MASP1: variants seen among roughly 807,000 people sequenced by gnomAD.
MASP1 encodes mannan-binding lectin serine protease 1.
In MASP1, 59 loss-of-function variants were observed where a neutral mutation model predicts 77.1. The observed-to-expected ratio is 0.77, with a 90% CI of 0.62 to 0.95. MASP1 has a LOEUF of 0.95. Ranked by LOEUF, MASP1 falls within the 40% of genes least tolerant of loss-of-function variation. The pLI, the probability that MASP1 is intolerant of heterozygous loss-of-function variation, is 0.00. For missense variants in MASP1, 885 were observed against 912.9 expected (o/e 0.97, Z 0.39); for synonymous variants, 362 against 354.5 (o/e 1.02, Z -0.24).
At chr3:187,226,578 T>A (rs569444675) in intron 11 of MASP1, 1 of 1,222,154 alleles carries the variant, frequency 8.2e-7, no homozygotes, top group African/African-American at 1.5e-5. Context: ...CCTCCCTCTG[T>A]CTTGAGCTGA....
rs1021779950 is a variant in MASP1 at position 187,220,324 on chromosome 3, C to T, written c.1910-63G>A. On this transcript the variant is annotated intron_variant, in intron 15 of 15. Coordinates refer to the MASP1 transcript ENST00000337774. ...CCTTCCCAGCCCAAGTCTCCTTCTCCCATGTATGGGTTGTAGTTCAGAGAA... is the reference window on the plus strand; with the variant it reads ...CCTTCCCAGCCCAAGTCTCCTTCTCTCATGTATGGGTTGTAGTTCAGAGAA... 33 of 1,469,820 alleles carry T rather than the reference C, an allele frequency of 2.2e-5. No individual in the cohort carries two copies. In the African/African-American group the frequency reaches 3.7e-4, roughly 17 times the overall value. 91.0% of individuals were successfully genotyped at this position (1,469,820 alleles called of 1,614,324 possible).
At chr3:187,218,020 G>C (rs1051984008) in exon 16 of MASP1, 13 of 152,174 alleles carry the variant, frequency 8.5e-5, no homozygotes, top group Non-Finnish European at 1.9e-4. Context: ...ATCTTGAGTG[G>C]ACATTTACTA....
chr3:187,265,562 C>T (rs1056526132), intron 2 of MASP1, among the ~76,000 whole-genome samples: 1 of 152,138 alleles, frequency 6.6e-6, no homozygotes, highest in South Asian at 2.1e-4. Flanking sequence ...TAGCCTGGGG[C>T]CCTGGGAATT....
intron 8 of MASP1, chr3:187,244,870 A>C (rs1426701160): frequency 6.6e-6 from 1 of 152,234 alleles, no homozygotes; most frequent in Non-Finnish European, 1.5e-5. Context: ...ACAGTGAGAT[A>C]TAATTTATCC....
intron 2 of MASP1, among the ~76,000 whole-genome samples, chr3:187,275,809 C>A (rs901487823): frequency 6.7e-6 from 1 of 149,522 alleles, no homozygotes; most frequent in Non-Finnish European, 1.5e-5. Flanking sequence ...GTTGTTAGCA[C>A]CCATGCCCCT....
At chr3:187,229,918 G>A (rs927607965), downstream of MASP1, 1 of 1,613,940 alleles carries the variant, frequency 6.2e-7, no homozygotes, top group Non-Finnish European at 8.5e-7. Context: ...GGGAGGGAGG[G>A]AGAGACAGAT....
chr3:187,225,341 T>C, exon 13 of MASP1: 2 of 1,613,304 alleles, frequency 1.2e-6, no homozygotes, highest in Non-Finnish European at 1.7e-6. Context: ...CTGGGGTCCC[T>C]CAGGCAGACA....
intron 2 of MASP1, among the ~76,000 whole-genome samples, chr3:187,267,195 C>G (rs1353798058): frequency 2.0e-5 from 3 of 152,182 alleles, no homozygotes; most frequent in African/African-American, 7.2e-5. Flanking sequence ...ATTGCAGCAT[C>G]CTGATTCCCT....
intron 9 of MASP1, 195 bp from the exon 10 acceptor site, chr3:187,241,750 C>T: frequency 1.8e-6 from 1 of 542,952 alleles, no homozygotes; most frequent in Non-Finnish European, 3.4e-6. Flanking sequence ...CAGGTACTCT[C>T]TGGGATACAA....
chr3:187,249,912 C>T (rs1256750982), intron 8 of MASP1, among the ~76,000 whole-genome samples: 1 of 152,198 alleles, frequency 6.6e-6, no homozygotes, highest in Non-Finnish European at 1.5e-5. Flanking sequence ...GGCACCAGCA[C>T]CAAACTAGTT....
intron 10 of MASP1, among the ~76,000 whole-genome samples, chr3:187,238,222 A>G (rs1039189020): frequency 2.0e-5 from 3 of 152,238 alleles, no homozygotes; most frequent in African/African-American, 7.2e-5. Context: ...CCAGTGGCAC[A>G]CTGCAGGTCA....
At chr3:187,256,035 C>G (rs745479336) in intron 5 of MASP1, among the ~76,000 whole-genome samples, 36 of 152,126 alleles carry the variant, frequency 2.4e-4, no homozygotes, top group Non-Finnish European at 4.1e-4. Flanking sequence ...ATATCTCCCC[C>G]ATTATCCCAG....
chr3:187,282,552 A>T (rs529070237), intron 2 of MASP1, among the ~76,000 whole-genome samples: 1 of 146,212 alleles, frequency 6.8e-6, no homozygotes, highest in East Asian at 2.0e-4. Flanking sequence ...ATATATTTGA[A>T]AACCACAACT....
intron 8 of MASP1, chr3:187,247,059 A>G (rs1560248770): frequency 1.5e-6 from 2 of 1,360,550 alleles, no homozygotes; most frequent in East Asian, 6.0e-5. Flanking sequence ...AGAAAAGTAC[A>G]GTCCACTCAG....
rs561040871 is a variant in MASP1 at position 187,273,510 on chromosome 3, G to A, written c.238-10790C>T. 5.5e-4 allele frequency among the ~76,000 whole-genome samples: 84 copies of A among 152,280 alleles called. 2 individuals are homozygous for A. Among genetic ancestry groups the A allele is most frequent in the African/African-American group, 1.8e-3 (74 of 41,558 alleles). ...TGCTTCAAAAGATTTTCCTAGATGC[G>A]TGAGCCGTAGGCCAATGATTCACCG... On this transcript the variant is annotated intron_variant, in intron 2 of 10. Transcript: ENST00000296280.
chr3:187,259,552 A>G (rs1171855971), intron 4 of MASP1, among the ~76,000 whole-genome samples: 2 of 152,180 alleles, frequency 1.3e-5, no homozygotes, highest in Non-Finnish European at 2.9e-5. Flanking sequence ...AAGGGTGAAA[A>G]TGAAGAAAAT....
intron 2 of MASP1, 28 bp downstream of exon 2, chr3:187,285,797 C>A: frequency 6.4e-7 from 1 of 1,563,126 alleles, no homozygotes; most frequent in Admixed American, 1.7e-5. Context: ...GAGAGCCTGG[C>A]CCAGTTAGGG....
chr3:187,225,869 G>T (rs2108503016), intron 12 of MASP1, among the ~76,000 whole-genome samples: 1 of 152,252 alleles, frequency 6.6e-6, no homozygotes, highest in Middle Eastern at 3.4e-3. Flanking sequence ...AACTCCCATG[G>T]CATTTTATCT....
At chr3:187,261,985 G>A (rs1302486085) in intron 3 of MASP1, among the ~76,000 whole-genome samples, 2 of 152,178 alleles carry the variant, frequency 1.3e-5, no homozygotes, top group East Asian at 1.9e-4. Context: ...AATGTATTCT[G>A]TATGTTTTCA....
Sources: gnomAD v4.1 joint callset for allele counts (sites outside exome capture counted in the v4.1 genomes callset) on GRCh38, gnomAD v4.1.1 for gene constraint, MANE v1.5 for transcripts, NCBI Gene and HGNC (gene_info 2026-07-23, HGNC 2026-07-21) for gene names.